Variants in ANKRD52 observed in about 807,000 individuals in gnomAD.
ANKRD52 encodes serine/threonine-protein phosphatase 6 regulatory ankyrin repeat subunit C.
Under a neutral mutation model 116.0 loss-of-function variants are expected in ANKRD52, and 7 were observed. The ratio of observed to expected loss-of-function variants is 0.06; its 90% confidence interval spans 0.03 to 0.11. The LOEUF (loss-of-function observed/expected upper bound fraction) is 0.11, where lower values mean the gene tolerates loss of function less well. Ranked by LOEUF, ANKRD52 falls within the 10% of genes least tolerant of loss-of-function variation. The pLI, the probability that ANKRD52 is intolerant of heterozygous loss-of-function variation, is 1.00. For synonymous variants in ANKRD52, 528 were observed against 578.1 expected, an observed-to-expected ratio of 0.91 and a Z score of 1.24; for missense variants, 839 against 1,408.6, an observed-to-expected ratio of 0.60 and a Z score of 6.47.
At position 56,254,005 on chromosome 12, in the gene ANKRD52, A is replaced by G. The variant is rs898264154; in HGVS notation, c.906+62T>C. On this transcript the variant is annotated intron_variant, in intron 8 of 27. Transcript: ENST00000267116. The surrounding 1 kb of genome is among the most constrained non-coding windows in gnomAD (Gnocchi z 4.6). ...TTCCCCAAGAGAGCTATCCAGATAC[A>G]GTCAGGACCCCTAGATCCAAGTTTC... The G allele has an allele frequency of 6.6e-7, 1 of 1,515,984 alleles. No individual in the cohort carries two copies. The highest frequency in any genetic ancestry group is 1.4e-5 in the African/African-American group (1 of 72,850). The allele number at this position is 1,515,984 out of a possible 1,614,324, so 93.9% of individuals were successfully genotyped here. A position where few individuals can be genotyped will look rare whatever the true frequency, so the allele number is the denominator to read the frequency against.
At chr12:56,251,675 G>C (rs1217271680) in intron 15 of ANKRD52, among the ~76,000 whole-genome samples, 1 of 151,020 alleles carries the variant, frequency 6.6e-6, no homozygotes, top group African/African-American at 2.4e-5. Context: ...GACCAGCCGG[G>C]CGCGGTGAGC....
intron 15 of ANKRD52, among the ~76,000 whole-genome samples, chr12:56,250,384 G>A (rs1871631316): frequency 7.1e-6 from 1 of 141,648 alleles, no homozygotes; most frequent in Non-Finnish European, 1.5e-5. Context: ...TTTTTTTTTA[G>A]AGACGGGGTC....
At chr12:56,247,385 C>T in intron 20 of ANKRD52, 108 bp downstream of exon 20, 1 of 850,444 alleles carries the variant, frequency 1.2e-6, no homozygotes, top group Non-Finnish European at 1.8e-6. Flanking sequence ...AAAGACGGCA[C>T]AAAATCCTGG....
chr12:56,251,905 C>CA (rs1250157774), intron 15 of ANKRD52, 110 bp downstream of exon 15: 1 of 1,220,694 alleles, frequency 8.2e-7, no homozygotes, highest in African/African-American at 1.5e-5. Flanking sequence ...GGCTGACCGG[C>CA]AGGACAGCAG....
Position 56,256,875 on chromosome 12 carries a change from G to A in ANKRD52, c.261+140C>T, listed in dbSNP as rs1871978593. 4.5e-6 allele frequency: 4 copies of A among 891,146 alleles called. No individual in the cohort carries two copies. In the African/African-American group the frequency reaches 5.1e-5, roughly 11 times the overall value. 55.2% of individuals were successfully genotyped at this position (891,146 alleles called of 1,614,324 possible). ...TACTGGCCAGTTCTAGGGGTAGGAG[G>A]AAGGGGCCAAGATTTGATCTCCTCA... On this transcript the variant is annotated intron_variant, in intron 4 of 27. Transcript: ENST00000267116.
chr12:56,243,413 A>C lies in ANKRD52; in HGVS notation c.2981-21T>G, dbSNP rs1871254277. ...GTGACCTGCAGGGCCAAGGGGGAGA[A>C]CTGAGGCATAGAGTCCTGTATCCTA... On this transcript the variant is annotated intron_variant, in intron 27 of 27. Transcript: ENST00000267116. This position sits in a 1 kb window ranked among gnomAD's most constrained non-coding sequence, Gnocchi z 4.6. 6.2e-7 allele frequency: 1 copy of C among 1,611,230 alleles called. No homozygotes were observed. Among genetic ancestry groups the C allele is most frequent in the African/African-American group, 1.3e-5 (1 of 74,888 alleles).
chr12:56,245,232 A>C (rs1871340806), intron 21 of ANKRD52, 42 bp from the exon 22 acceptor site: 1 of 1,610,580 alleles, frequency 6.2e-7, no homozygotes, highest in African/African-American at 1.3e-5. Context: ...GAAAAACGGC[A>C]AGGTTCCCTG....
chr12:56,245,066 C>T, intron 22 of ANKRD52, 37 bp downstream of exon 22: 1 of 1,612,946 alleles, frequency 6.2e-7, no homozygotes, highest in Non-Finnish European at 8.5e-7. Context: ...AGTCATGGGC[C>T]CTCGCGAGAA....
chr12:56,245,285 A>G, intron 21 of ANKRD52, 92 bp downstream of exon 21: 2 of 1,601,920 alleles, frequency 1.2e-6, no homozygotes, highest in South Asian at 2.2e-5. Context: ...CCAGATTCAG[A>G]TCAACCCAGG....
chr12:56,248,935 A>G lies in ANKRD52; in HGVS notation c.1593-65T>C. On this transcript the variant is annotated intron_variant, in intron 15 of 27. Coordinates refer to ENST00000267116, the MANE Select transcript of ANKRD52 (RefSeq NM_173595.4). The surrounding 1 kb of genome is among the most constrained non-coding windows in gnomAD (Gnocchi z 5.1). ...CAGCCCAGGAGGGCACAGTTCTGGG[A>G]GGGCCAGAGGAGAGGACCAAGGCCC... 8.1e-7 allele frequency: 1 copy of G among 1,235,610 alleles called. No individual in the cohort carries two copies. Among genetic ancestry groups the G allele is most frequent in the East Asian group, 2.6e-5 (1 of 38,970 alleles). 76.5% of individuals were successfully genotyped at this position (1,235,610 alleles called of 1,614,324 possible).
intron 4 of ANKRD52, among the ~76,000 whole-genome samples, 193 bp from the exon 5 acceptor site, chr12:56,256,177 C>T (rs944708577): frequency 6.6e-6 from 1 of 152,162 alleles, no homozygotes; most frequent in Non-Finnish European, 1.5e-5. Context: ...TAAGCTCTTC[C>T]TTACCTTGCT....
In ANKRD52 at chr12:56,242,389, C is replaced by A; in HGVS notation, c.*753G>T. Reference sequence around the variant, plus strand: ...AAAAGAAAGAAGCAAGGTTAAAGTGCGTGGTTAGGGGCCAGGCTAGGAGTG... The same window carrying A: ...AAAAGAAAGAAGCAAGGTTAAAGTGAGTGGTTAGGGGCCAGGCTAGGAGTG... On this transcript the variant is annotated 3_prime_UTR_variant, in exon 28 of 28. Transcript: ENST00000267116. The surrounding 1 kb of genome is among the most constrained non-coding windows in gnomAD (Gnocchi z 4.3). 2.8e-6 allele frequency: 1 copy of A among 352,188 alleles called. No individual in the cohort carries two copies. Among genetic ancestry groups the A allele is most frequent in the Non-Finnish European group, 5.1e-6 (1 of 197,882 alleles). 21.8% of individuals were successfully genotyped at this position (352,188 alleles called of 1,614,324 possible). A position where few individuals can be genotyped will look rare whatever the true frequency, so the allele number is the denominator to read the frequency against.
chr12:56,252,736 C>T lies in ANKRD52; in HGVS notation c.1301+44G>A, dbSNP rs1871762598. On this transcript the variant is annotated intron_variant, in intron 12 of 27. Coordinates refer to ENST00000267116, the MANE Select transcript of ANKRD52 (RefSeq NM_173595.4). This position sits in a 1 kb window ranked among gnomAD's most constrained non-coding sequence, Gnocchi z 4.7. ...CAAGAATGAGGGGCCCAGACCTTTG[C>T]CCAGCTCCCTGCTCAAAGCATGGGA... The T allele has an allele frequency of 6.3e-7, 1 of 1,596,208 alleles. No individual in the cohort carries two copies.
Position 56,244,770 on chromosome 12 carries a change from C to T in ANKRD52, c.2604G>A (p.Ala868=), listed in dbSNP as rs200237525. 25 of 1,613,744 alleles carry T rather than the reference C, an allele frequency of 1.5e-5. No individual in the cohort carries two copies. The highest frequency in any genetic ancestry group is 3.3e-5 in the Admixed American group (2 of 60,010). ...GCATCCGGAGCCCAGAGACATTGTC[C>T]GCGAAGGCAGCGGCGTGAAGGGGGG... The part of the protein sequence containing the change: ...GRTPLHAAAF[A]DNVSGLRMLL... The change falls in exon 24 of 28, where the codon GCG becomes GCA. Residue 868 remains alanine (A), a synonymous_variant. Transcript: ENST00000267116. This position sits in a 1 kb window ranked among gnomAD's most constrained non-coding sequence, Gnocchi z 4.9.
chr12:56,245,296 T>C, intron 21 of ANKRD52, 81 bp downstream of exon 21: 1 of 1,599,338 alleles, frequency 6.3e-7, no homozygotes, highest in Non-Finnish European at 8.5e-7. Context: ...TCAACCCAGG[T>C]CCCCCCCAAC....
rs1871531716 is a variant in ANKRD52 at position 56,248,564 on chromosome 12, G to A, written c.1707C>T (p.Leu569=). ...CCAGGCAGTTAAAGGACATTTCTAAGAGCTGCAAAGGACAGGAAAGTAGGT... is the reference window on the plus strand; with the variant it reads ...CCAGGCAGTTAAAGGACATTTCTAAAAGCTGCAAAGGACAGGAAAGTAGGT... The part of the protein sequence containing the change: ...AYGNRQNLEL[L]LEMSFNCLED... The change falls in exon 17 of 28, where the codon CTC becomes CTT. Residue 569 remains leucine, a splice_region_variant and synonymous_variant. Coordinates refer to ENST00000267116, the MANE Select transcript of ANKRD52 (RefSeq NM_173595.4). The surrounding 1 kb of genome is among the most constrained non-coding windows in gnomAD (Gnocchi z 5.1). 10 of 1,588,736 alleles carry A rather than the reference G, an allele frequency of 6.3e-6. No homozygotes were observed. Among genetic ancestry groups the A allele is most frequent in the Non-Finnish European group, 8.6e-6 (10 of 1,167,676 alleles).
chr12:56,247,924 C>T, intron 18 of ANKRD52, 99 bp downstream of exon 18: 1 of 1,375,480 alleles, frequency 7.3e-7, no homozygotes. Context: ...GGCTTGAAGT[C>T]TCCATTCTCC....
In ANKRD52 at chr12:56,253,271, T is replaced by A. The variant is rs1220089097; in HGVS notation, c.1100+17A>T. On this transcript the variant is annotated intron_variant, in intron 10 of 27. Transcript: ENST00000267116. This position sits in a 1 kb window ranked among gnomAD's most constrained non-coding sequence, Gnocchi z 5.5. ...AGATCTGGGCAGCCCAGAAGTGGAG[T>A]CGGGGCCCTGACTCACCGGGCGGTA... The A allele has an allele frequency of 6.2e-7, 1 of 1,606,540 alleles. No homozygotes were observed. Among genetic ancestry groups the A allele is most frequent in the African/African-American group, 1.3e-5 (1 of 74,666 alleles).
At position 56,258,327 on chromosome 12, in the gene ANKRD52, C is replaced by T. The variant is rs1468776904; in HGVS notation, c.-58G>A. 11 of 1,497,200 alleles carry T rather than the reference C, an allele frequency of 7.3e-6. No individual in the cohort carries two copies. In the African/African-American group the frequency reaches 1.5e-4, roughly 20 times the overall value. The allele number at this position is 1,497,200 out of a possible 1,614,324, so 92.7% of individuals were successfully genotyped here. On this transcript the variant is annotated 5_prime_UTR_variant, in exon 1 of 28. Coordinates refer to ENST00000267116, the MANE Select transcript of ANKRD52 (RefSeq NM_173595.4). Reference sequence around the variant, plus strand: ...CCGGCGGCGGCGGCGGCGGCTCCACCGGGGACACGGAGCGGCCCAGGCGGC... The same window carrying T: ...CCGGCGGCGGCGGCGGCGGCTCCACTGGGGACACGGAGCGGCCCAGGCGGC...
Sources: gnomAD v4.1 joint callset for allele counts (sites outside exome capture counted in the v4.1 genomes callset) on GRCh38, gnomAD v4.1.1 for gene constraint, Gnocchi (gnomAD v3.1) non-coding constraint, MANE v1.5 for transcripts, NCBI Gene and HGNC (gene_info 2026-07-23, HGNC 2026-07-21) for gene names.